The following ARRB1 variants were observed in gnomAD, a reference collection of about 807,000 sequenced individuals.
ARRB1 encodes the protein beta-arrestin-1.
ARRB1 carries 21 observed loss-of-function variants against 56.8 expected under a neutral mutation model. The observed-to-expected ratio is 0.37, with a 90% CI of 0.26 to 0.53. The LOEUF (loss-of-function observed/expected upper bound fraction) is 0.53. Ranked by LOEUF, ARRB1 falls within the 20% of genes least tolerant of loss-of-function variation. ARRB1 has a pLI of 0.88. For synonymous variants in ARRB1, 210 were observed against 218.6 expected, an observed-to-expected ratio of 0.96 and a Z score of 0.35; for missense variants, 424 against 553.7, an observed-to-expected ratio of 0.77 and a Z score of 2.35.
At chr11:75,343,964 C>T (rs539853436) in intron 1 of ARRB1, among the ~76,000 whole-genome samples, 8 of 152,158 alleles carry the variant, frequency 5.3e-5, no homozygotes, top group Admixed American at 2.6e-4. Flanking sequence ...TACAGGCGCC[C>T]GCCACCACGC....
intron 3 of ARRB1, 39 bp from the exon 4 acceptor site, chr11:75,284,318 T>C (rs1946424521): frequency 6.4e-7 from 1 of 1,573,112 alleles, no homozygotes; most frequent in Non-Finnish European, 8.7e-7. Context: ...TCTCCCAACC[T>C]GGTCTCCCAA....
At chr11:75,300,219 A>AAG (rs1946867721) in intron 1 of ARRB1, among the ~76,000 whole-genome samples, 10 of 140,258 alleles carry the variant, frequency 7.1e-5, no homozygotes, top group South Asian at 2.2e-4. Context: ...AAAAAAAAAA[A>AAG]AAAGAAAGAA....
chr11:75,305,453 C>T (rs1396662640), intron 1 of ARRB1, among the ~76,000 whole-genome samples: 2 of 152,192 alleles, frequency 1.3e-5, no homozygotes, highest in Non-Finnish European at 2.9e-5. Context: ...AAATGCTATA[C>T]AATGGTGTCT....
intron 12 of ARRB1, 56 bp from the exon 13 acceptor site, chr11:75,271,780 A>C: frequency 6.5e-7 from 1 of 1,534,196 alleles, no homozygotes; most frequent in Non-Finnish European, 8.8e-7. Context: ...AGAGAGGAAG[A>C]AAACAAAAAG....
At chr11:75,324,016 G>A (rs1036568316) in intron 1 of ARRB1, among the ~76,000 whole-genome samples, 26 of 152,092 alleles carry the variant, frequency 1.7e-4, no homozygotes, top group Non-Finnish European at 1.9e-4. Flanking sequence ...TCACAATGGA[G>A]CTTGAATACA....
rs180979558 is a variant in ARRB1 at position 75,276,828 on chromosome 11, T to G, written c.776+11A>C. 8.7e-6 allele frequency: 14 copies of G among 1,613,894 alleles called. No homozygotes were observed. The African/African-American group carries it at 1.9e-4, about 22-fold the overall frequency. On this transcript the variant is annotated intron_variant, in intron 10 of 15. Transcript: ENST00000420843. The stretch of plus-strand genomic sequence containing the variant: ...TCCCATACGCCCAAGGCCAGACTTG[T>G]GCCCACTTACTCAGCCTCTTCCATG...
In ARRB1 at chr11:75,274,065, G is replaced by T. The variant is rs780916969; in HGVS notation, c.914+9C>A. The T allele has an allele frequency of 6.2e-7, 1 of 1,614,114 alleles. No individual in the cohort carries two copies. Among genetic ancestry groups the T allele is most frequent in the Non-Finnish European group, 8.5e-7 (1 of 1,179,966 alleles). On this transcript the variant is annotated intron_variant, in intron 11 of 15. Coordinates refer to ENST00000420843, the MANE Select transcript of ARRB1 (RefSeq NM_004041.5). ...CTAGGAGCCCAGGGCTAGGAGGGCA[G>T]GTCCTCACAGGGTGCTAGAGGCCAA... is the stretch of plus-strand genomic sequence containing the variant.
intron 1 of ARRB1, among the ~76,000 whole-genome samples, chr11:75,298,906 A>T (rs147847535): frequency 6.6e-6 from 1 of 150,978 alleles, no homozygotes; most frequent in African/African-American, 2.5e-5. Context: ...TGAAAACATT[A>T]TGTTAAGTAA....
At chr11:75,343,493 T>G (rs1229655444) in intron 1 of ARRB1, among the ~76,000 whole-genome samples, 2 of 152,214 alleles carry the variant, frequency 1.3e-5, no homozygotes, top group Non-Finnish European at 1.5e-5. Context: ...AAGAACCGCA[T>G]AAAACTGACC....
intron 1 of ARRB1, among the ~76,000 whole-genome samples, chr11:75,299,447 G>GA (rs775099506): frequency 0.019 from 2,604 of 138,254 alleles, 52 homozygotes; most frequent in African/African-American, 0.049. Context: ...GAGAATCTAG[G>GA]AAAAAAAAAA....
chr11:75,343,395 C>CA (rs750538450), intron 1 of ARRB1, among the ~76,000 whole-genome samples: 2 of 152,000 alleles, frequency 1.3e-5, no homozygotes, highest in Non-Finnish European at 2.9e-5. Context: ...TTGGGAGGCT[C>CA]AAAAAAATGA....
At chr11:75,293,942 C>T (rs1278482254) in intron 1 of ARRB1, among the ~76,000 whole-genome samples, 1 of 152,198 alleles carries the variant, frequency 6.6e-6, no homozygotes, top group African/African-American at 2.4e-5. Context: ...GCTATCTCTA[C>T]TTACTCAAGG....
At chr11:75,269,643 G>A (rs1591889456) in intron 13 of ARRB1, among the ~76,000 whole-genome samples, 1 of 152,206 alleles carries the variant, frequency 6.6e-6, no homozygotes, top group African/African-American at 2.4e-5. Flanking sequence ...TATTCACATG[G>A]TACTGACCCT....
rs539772084 is a variant in ARRB1 at position 75,265,704 on chromosome 11, T to C, written c.*459A>G. 9.6e-4 allele frequency: 168 copies of C among 174,918 alleles called. No individual in the cohort carries two copies. Among genetic ancestry groups the C allele is most frequent in the African/African-American group, 3.8e-3 (160 of 42,082 alleles). 10.8% of individuals were successfully genotyped at this position (174,918 alleles called of 1,614,324 possible). On this transcript the variant is annotated 3_prime_UTR_variant, in exon 16 of 16. Coordinates refer to ENST00000420843, the MANE Select transcript of ARRB1 (RefSeq NM_004041.5). ...TCTGCCCCTCCCAGCCAGAAGGAGG[T>C]GGCCTTCAACGCGGTCATCTTTTAG...
At chr11:75,287,159 G>A (rs974216940) in intron 3 of ARRB1, among the ~76,000 whole-genome samples, 156 bp downstream of exon 3, 2 of 152,142 alleles carry the variant, frequency 1.3e-5, no homozygotes, top group African/African-American at 4.8e-5. Context: ...ACTTGAGTGG[G>A]AAAGTAGCTG....
intron 1 of ARRB1, among the ~76,000 whole-genome samples, chr11:75,350,068 G>A (rs1160447725): frequency 6.6e-6 from 1 of 152,272 alleles, no homozygotes; most frequent in Non-Finnish European, 1.5e-5. Flanking sequence ...TCAGGAGGAT[G>A]GCTGGAAAGT....
intron 1 of ARRB1, among the ~76,000 whole-genome samples, chr11:75,293,965 T>C (rs1321932419): frequency 1.3e-5 from 2 of 152,144 alleles, no homozygotes; most frequent in African/African-American, 4.8e-5. Flanking sequence ...TTTCTCCTCC[T>C]CCATCCTTTT....
rs113495664 is a variant in ARRB1 at position 75,277,470 on chromosome 11, G to C, written c.619-22C>G. The C allele has an allele frequency of 1.9e-6, 3 of 1,607,152 alleles. No homozygotes were observed. The African/African-American group carries it at 4.0e-5, about 21-fold the overall frequency. ...AGATCTGGGGGGCATAAGAAGGGAC[G>C]GGGTTGGCTGGGAGGACAGCAAGGT... On this transcript the variant is annotated intron_variant, in intron 8 of 15. Coordinates refer to ENST00000420843, the MANE Select transcript of ARRB1 (RefSeq NM_004041.5).
At chr11:75,328,802 G>T (rs759408528) in intron 1 of ARRB1, among the ~76,000 whole-genome samples, 1 of 152,228 alleles carries the variant, frequency 6.6e-6, no homozygotes, top group African/African-American at 2.4e-5. Context: ...TCCAAGATGC[G>T]TATAGACAGG....
Sources: allele counts gnomAD v4.1 joint callset (sites outside exome capture counted in the v4.1 genomes callset), GRCh38; gene constraint gnomAD v4.1.1; transcripts MANE v1.5; gene names NCBI Gene and HGNC (gene_info 2026-07-23, HGNC 2026-07-21).